The following PLPPR4 variants were observed in gnomAD, a reference collection of about 807,000 sequenced individuals.
PLPPR4 encodes the protein phospholipid phosphatase-related protein type 4.
PLPPR4 carries 24 observed loss-of-function variants against 56.6 expected under a neutral mutation model. The observed-to-expected ratio is 0.42, with a 90% CI of 0.31 to 0.60. PLPPR4 has a LOEUF of 0.60. PLPPR4 is among the 20% of genes least tolerant of loss of function. The pLI, the probability that PLPPR4 is intolerant of heterozygous loss-of-function variation, is 0.13. For synonymous variants in PLPPR4, 326 were observed against 328.1 expected, an observed-to-expected ratio of 0.99 and a Z score of 0.07; for missense variants, 654 against 885.8, an observed-to-expected ratio of 0.74 and a Z score of 3.32.
chr1:99,287,944 T>C (rs765793974), intron 1 of PLPPR4, 21 bp from the exon 2 acceptor site: 1 of 1,596,606 alleles, frequency 6.3e-7, no homozygotes, highest in Non-Finnish European at 8.6e-7. Flanking sequence ...TAAATTGATC[T>C]TCTTTGTCCT....
At chr1:99,278,664 G>T (rs1346803766) in intron 1 of PLPPR4, among the ~76,000 whole-genome samples, 3 of 152,102 alleles carry the variant, frequency 2.0e-5, no homozygotes, top group African/African-American at 7.2e-5. Flanking sequence ...ACTACCTGAG[G>T]TTAAGTCTGG....
At chr1:99,283,002 A>G (rs1447855014) in intron 1 of PLPPR4, among the ~76,000 whole-genome samples, 1 of 148,082 alleles carries the variant, frequency 6.8e-6, no homozygotes, top group Non-Finnish European at 1.5e-5. Flanking sequence ...TATATATTAT[A>G]TATATGAAAT....
chr1:99,296,855 G>C lies in PLPPR4; in HGVS notation c.382G>C (p.Val128Leu), dbSNP rs1470836787. The change falls in exon 3 of 7, where the codon GTC becomes CTC. Residue 128 changes from valine to leucine, a missense_variant. By Grantham distance (32) the Val-to-Leu change is conservative. This residue lies in a region of PLPPR4 where 186 missense variants were observed against 331.4 expected (regional missense o/e 0.56). Transcript: ENST00000370185. Reference sequence around the variant, plus strand: ...CTTCAATTCCTTCCTCAGACGAGCTGTCAGATTCGTTGGTGGGTGTGGGGA... The same window carrying C: ...CTTCAATTCCTTCCTCAGACGAGCTCTCAGATTCGTTGGTGGGTGTGGGGA... ...CNFNSFLRRA[V>L]RFVGVHVFGL... The C allele has an allele frequency of 1.2e-5, 19 of 1,581,674 alleles. No homozygotes were observed. Among genetic ancestry groups the C allele is most frequent in the Non-Finnish European group, 1.5e-5 (17 of 1,158,988 alleles).
At chr1:99,304,080 C>T (rs1659952574) in intron 6 of PLPPR4, among the ~76,000 whole-genome samples, 3 of 152,216 alleles carry the variant, frequency 2.0e-5, no homozygotes, top group South Asian at 4.1e-4. Context: ...AAGATACTAA[C>T]TCTCTGTCCC....
chr1:99,263,707 T>C (rs1658819064), upstream of PLPPR4, among the ~76,000 whole-genome samples: 1 of 152,214 alleles, frequency 6.6e-6, no homozygotes, highest in Non-Finnish European at 1.5e-5. Context: ...TATTAATATC[T>C]GAAGACATAC....
chr1:99,269,737 T>C (rs1233046981), intron 1 of PLPPR4, among the ~76,000 whole-genome samples: 1 of 152,236 alleles, frequency 6.6e-6, no homozygotes, highest in Non-Finnish European at 1.5e-5. Flanking sequence ...AGAAGAGTTA[T>C]GCTTGACCTA....
chr1:99,299,057 C>T lies in PLPPR4; in HGVS notation c.417C>T (p.Cys139=), dbSNP rs1461297455. The T allele has an allele frequency of 6.2e-7, 1 of 1,613,370 alleles. No homozygotes were observed. Among genetic ancestry groups the T allele is most frequent in the Non-Finnish European group, 8.5e-7 (1 of 1,179,582 alleles). Residue 139 remains cysteine (C), a synonymous_variant, in exon 4 of 7, where the codon TGC becomes TGT. Coordinates refer to ENST00000370185, the MANE Select transcript of PLPPR4 (RefSeq NM_014839.5). ...TAGGTGTTCATGTATTTGGATTATG[C>T]TCTACAGCTCTCATTACAGATATCA... ...RFVGVHVFGL[C]STALITDIIQ... is the part of the protein sequence containing the mutation.
chr1:99,292,161 A>C (rs1659638901), intron 2 of PLPPR4, among the ~76,000 whole-genome samples: 1 of 152,166 alleles, frequency 6.6e-6, no homozygotes, highest in Non-Finnish European at 1.5e-5. Context: ...ATATATCTAG[A>C]AGTCTTTCTC....
chr1:99,268,071 C>T (rs1452974035), intron 1 of PLPPR4, among the ~76,000 whole-genome samples: 1 of 152,198 alleles, frequency 6.6e-6, no homozygotes, highest in African/African-American at 2.4e-5. Flanking sequence ...ACTCAAAGGT[C>T]ACGCTCTTCA....
chr1:99,306,249 G>A lies in PLPPR4; in HGVS notation c.1387G>A (p.Gly463Arg), dbSNP rs1660026928. 7 of 1,613,970 alleles carry A rather than the reference G, an allele frequency of 4.3e-6. No individual in the cohort carries two copies. Among genetic ancestry groups the A allele is most frequent in the African/African-American group, 1.3e-5 (1 of 74,898 alleles). The stretch of plus-strand genomic sequence containing the variant: ...CAAAATCCAGCCTGGCGCTGTCCCC[G>A]GATGTAACAACAGCATGCCTGGAGG... ...YLKIQPGAVP[G>R]CNNSMPGGPR... Residue 463 changes from glycine to arginine, a missense_variant, in exon 7 of 7, where the codon GGA becomes AGA. Physicochemically the swap from Gly to Arg is moderately radical, Grantham distance 125. Transcript: ENST00000370185. This position sits in a 1 kb window ranked among gnomAD's most constrained non-coding sequence, Gnocchi z 4.0.
At chr1:99,266,383 G>C (rs1282697540) in intron 1 of PLPPR4, among the ~76,000 whole-genome samples, 1 of 152,234 alleles carries the variant, frequency 6.6e-6, no homozygotes, top group Non-Finnish European at 1.5e-5. Context: ...TCATGAAAGA[G>C]GAGGCAAACC....
chr1:99,269,943 T>C (rs1238882420), intron 1 of PLPPR4, among the ~76,000 whole-genome samples: 1 of 151,760 alleles, frequency 6.6e-6, no homozygotes, highest in Non-Finnish European at 1.5e-5. Context: ...GCATTCCAAT[T>C]CAGAATATTT....
chr1:99,279,187 G>A (rs1659262305), intron 1 of PLPPR4, among the ~76,000 whole-genome samples: 1 of 152,098 alleles, frequency 6.6e-6, no homozygotes, highest in Admixed American at 6.6e-5. Context: ...GGATCTTGTC[G>A]CTGAATAAGA....
chr1:99,278,081 A>G (rs1355378741), intron 1 of PLPPR4, among the ~76,000 whole-genome samples: 1 of 152,138 alleles, frequency 6.6e-6, no homozygotes, highest in Non-Finnish European at 1.5e-5. Context: ...CTATAAAAAG[A>G]AATATTCTCT....
intron 1 of PLPPR4, among the ~76,000 whole-genome samples, chr1:99,282,864 G>A (rs1456055522): frequency 6.6e-6 from 1 of 150,846 alleles, no homozygotes; most frequent in East Asian, 1.9e-4. Flanking sequence ...TCTAAAATGG[G>A]AATTCAGGCA....
chr1:99,308,213 A>C lies in PLPPR4; in HGVS notation c.*1203A>C, dbSNP rs528749682. ...CTGGTTAAGTTTGACTCGTCTCTAA[A>C]ACGTTTTTGTTAATTGGACACCAAG... On this transcript the variant is annotated 3_prime_UTR_variant, in exon 7 of 7. Transcript: ENST00000370185. 102 of 152,266 alleles carry C rather than the reference A, an allele frequency of 6.7e-4. 1 individual carries two copies. The highest frequency in any genetic ancestry group is 2.3e-3 in the African/African-American group (97 of 41,560). 9.4% of individuals were successfully genotyped at this position (152,266 alleles called of 1,614,324 possible).
At position 99,306,671 on chromosome 1, in the gene PLPPR4, C is replaced by T; in HGVS notation, c.1809C>T (p.Ala603=). ...GCAGTGGCTCCTGGAAGTGGAAAGC[C>T]CCTGAAAAGGGCAGCCTTCGCCAAA... ...GEGSGSWKWK[A]PEKGSLRQTY... is the part of the protein sequence containing the mutation. The change falls in exon 7 of 7, where the codon GCC becomes GCT. Residue 603 remains alanine, a synonymous_variant. Transcript: ENST00000370185. The surrounding 1 kb of genome is among the most constrained non-coding windows in gnomAD (Gnocchi z 4.0). 2 of 1,614,092 alleles carry T rather than the reference C, an allele frequency of 1.2e-6. No homozygotes were observed. The highest frequency in any genetic ancestry group is 1.7e-6 in the Non-Finnish European group (2 of 1,180,008).
At chr1:99,288,232 C>T in intron 2 of PLPPR4, 82 bp downstream of exon 2, 2 of 1,231,586 alleles carry the variant, frequency 1.6e-6, no homozygotes, top group Non-Finnish European at 2.3e-6. Context: ...GGGTTCAAAG[C>T]AAACAAAACG....
chr1:99,275,290 A>C (rs1259452102), intron 1 of PLPPR4, among the ~76,000 whole-genome samples: 1 of 152,144 alleles, frequency 6.6e-6, no homozygotes, highest in Non-Finnish European at 1.5e-5. Flanking sequence ...TCTAGCTTCC[A>C]GTTGAATTTT....
Sources: gnomAD v4.1 joint callset for allele counts (sites outside exome capture counted in the v4.1 genomes callset) on GRCh38, gnomAD v4.1.1 for gene constraint, gnomAD v4.1.1 regional missense constraint, Gnocchi (gnomAD v3.1) non-coding constraint, MANE v1.5 for transcripts, NCBI Gene and HGNC (gene_info 2026-07-23, HGNC 2026-07-21) for gene names.